Variants in SLC38A6 observed in about 807,000 individuals in gnomAD.
SLC38A6 encodes N system amino acid transporter NAT-1.
A neutral mutation model predicts 65.0 loss-of-function variants in SLC38A6; 73 were observed. That is an observed-to-expected ratio of 1.12 (90% confidence interval 0.93 to 1.37). The LOEUF (loss-of-function observed/expected upper bound fraction) is 1.37. SLC38A6 is among the 40% of genes most tolerant of loss of function. The pLI is 0.00. For missense variants in SLC38A6, 561 were observed against 531.1 expected (o/e 1.06, Z -0.55); for synonymous variants, 183 against 178.8 (o/e 1.02, Z -0.19).
intron 15 of SLC38A6, among the ~76,000 whole-genome samples, chr14:61,071,727 C>T (rs1296373082): frequency 6.6e-6 from 1 of 151,686 alleles, no homozygotes; most frequent in Non-Finnish European, 1.5e-5. Flanking sequence ...TTTATATTCA[C>T]AACAACTATG....
At chr14:61,011,075 G>T (rs2039526537) in intron 3 of SLC38A6, among the ~76,000 whole-genome samples, 2 of 151,718 alleles carry the variant, frequency 1.3e-5, no homozygotes, top group African/African-American at 4.8e-5. Context: ...GTGGTTTGTA[G>T]TTCTTGAAGA....
intron 3 of SLC38A6, among the ~76,000 whole-genome samples, chr14:60,996,203 A>C (rs1280438513): frequency 1.3e-5 from 2 of 152,218 alleles, no homozygotes; most frequent in East Asian, 3.8e-4. Flanking sequence ...AAAATTATTA[A>C]AGAAAACACA....
chr14:60,987,395 G>T lies in SLC38A6; in HGVS notation c.310+2592G>T, dbSNP rs1330762582. 6 of 152,820 alleles carry T rather than the reference G, an allele frequency of 3.9e-5. No individual in the cohort carries two copies. In the East Asian group the frequency reaches 1.2e-3, roughly 29 times the overall value. 9.5% of individuals were successfully genotyped at this position (152,820 alleles called of 1,614,324 possible). A position where few individuals can be genotyped will look rare whatever the true frequency, so the allele number is the denominator to read the frequency against. Reference sequence around the variant, plus strand: ...AATTTTCATCTTTATAAAAGTAAAGGATTTCTTCACATGAAATTCTACTTT... The same window carrying T: ...AATTTTCATCTTTATAAAAGTAAAGTATTTCTTCACATGAAATTCTACTTT... On this transcript the variant is annotated intron_variant, in intron 3 of 15. Coordinates refer to ENST00000267488, the MANE Select transcript of SLC38A6 (RefSeq NM_153811.3).
chr14:61,015,844 T>G, intron 3 of SLC38A6, 60 bp from the exon 4 acceptor site: 1 of 1,386,748 alleles, frequency 7.2e-7, no homozygotes. Flanking sequence ...GCTCTTCTCT[T>G]TAGGACCTGA....
chr14:61,015,183 G>C (rs772763702), intron 3 of SLC38A6, among the ~76,000 whole-genome samples: 1 of 152,246 alleles, frequency 6.6e-6, no homozygotes, highest in African/African-American at 2.4e-5. Context: ...CTCCGAGCCA[G>C]GTGCGGGATA....
chr14:61,017,250 G>A (rs988432427), intron 4 of SLC38A6, among the ~76,000 whole-genome samples: 6 of 152,156 alleles, frequency 3.9e-5, no homozygotes, highest in African/African-American at 1.4e-4. Flanking sequence ...ATGTTGGTCA[G>A]GCTGGTCTGG....
intron 7 of SLC38A6, among the ~76,000 whole-genome samples, 197 bp from the exon 8 acceptor site, chr14:61,037,428 T>A (rs2041471577): frequency 6.6e-6 from 1 of 152,156 alleles, no homozygotes; most frequent in Admixed American, 6.5e-5. Flanking sequence ...GTACCATTAG[T>A]GGTAAGCCAG....
chr14:60,984,915 A>G, intron 3 of SLC38A6, 112 bp downstream of exon 3: 1 of 1,004,676 alleles, frequency 1.0e-6, no homozygotes, highest in Non-Finnish European at 1.5e-6. Context: ...CATTTTTATT[A>G]GATAGGGTGA....
rs1594757974 is a variant in SLC38A6 at position 61,052,582 on chromosome 14, G to A, written c.*153G>A. On this transcript the variant is annotated 3_prime_UTR_variant, in exon 16 of 16. Coordinates refer to ENST00000267488, the MANE Select transcript of SLC38A6 (RefSeq NM_153811.3). ...TGGCAGTGGGTATGGGGAAGTAAGA[G>A]TGTGGCAGTTTTAATCAAAAAAAGA... 1 of 1,116,970 alleles carries A rather than the reference G, an allele frequency of 9.0e-7. No homozygotes were observed. The highest frequency in any genetic ancestry group is 3.2e-5 in the East Asian group (1 of 31,016). 69.2% of individuals were successfully genotyped at this position (1,116,970 alleles called of 1,614,324 possible).
intron 6 of SLC38A6, chr14:61,030,868 T>C (rs116466488): frequency 0.019 from 3,204 of 165,444 alleles, 116 homozygotes; most frequent in African/African-American, 0.073. Flanking sequence ...AGGTTGGGGA[T>C]GGGAGAAGGT....
chr14:61,023,263 A>G (rs1414063579), intron 5 of SLC38A6, among the ~76,000 whole-genome samples: 1 of 152,192 alleles, frequency 6.6e-6, no homozygotes, highest in African/African-American at 2.4e-5. Flanking sequence ...CATTTATGTA[A>G]AATGGGTTAA....
intron 7 of SLC38A6, among the ~76,000 whole-genome samples, 188 bp downstream of exon 7, chr14:61,037,329 C>G (rs920250007): frequency 3.3e-5 from 5 of 152,038 alleles, no homozygotes; most frequent in Non-Finnish European, 7.4e-5. Context: ...CCTAGTTAAC[C>G]TATTACTTGG....
At chr14:60,985,011 G>A (rs1391266138) in intron 3 of SLC38A6, among the ~76,000 whole-genome samples, 13 of 152,166 alleles carry the variant, frequency 8.5e-5, no homozygotes. Flanking sequence ...GAGGTAATTA[G>A]CATTTTTACC....
In SLC38A6 at chr14:61,049,606, G is replaced by A. The variant is rs564213797; in HGVS notation, c.926-906G>A. On this transcript the variant is annotated intron_variant, in intron 12 of 15. Transcript: ENST00000267488. ...TAGAACTCTCTGGCCACTTACATGT[G>A]TATATCACACTTTCTATCATAGCTA... is the stretch of plus-strand genomic sequence containing the variant. Among the ~76,000 whole-genome samples the A allele has an allele frequency of 9.2e-5, 14 of 152,248 alleles. No individual in the cohort carries two copies. In the South Asian group the frequency reaches 2.5e-3, roughly 27 times the overall value.
intron 3 of SLC38A6, among the ~76,000 whole-genome samples, chr14:61,011,493 T>C (rs4338714): frequency 0.85 from 129,028 of 151,642 alleles, 56,305 homozygotes; most frequent in Non-Finnish European, 0.96. Context: ...TTTTTGCCCA[T>C]TCAGTATGAT....
chr14:61,010,164 G>A (rs1237074121), intron 3 of SLC38A6, among the ~76,000 whole-genome samples: 1 of 152,084 alleles, frequency 6.6e-6, no homozygotes, highest in Non-Finnish European at 1.5e-5. Context: ...GTGTTTTTTG[G>A]CTGCATAAAT....
rs562673480 is a variant in SLC38A6, at chr14:61,070,374, AC to A, written c.1291-8435del. On this transcript the variant is annotated intron_variant, in intron 15 of 16. Transcript: ENST00000354886. ...CCTCAAGTATTATGCATATTGCAGCACATGGAAGAATTTTCTTCATTCTTTA... is the reference window on the plus strand; with the variant it reads ...CCTCAAGTATTATGCATATTGCAGCAATGGAAGAATTTTCTTCATTCTTTA... 4.2e-4 allele frequency among the ~76,000 whole-genome samples: 64 copies of A among 152,354 alleles called. 1 individual carries two copies. The highest frequency in any genetic ancestry group is 1.5e-3 in the African/African-American group (62 of 41,594).
intron 6 of SLC38A6, among the ~76,000 whole-genome samples, chr14:61,035,665 T>C (rs527407073): frequency 4.9e-4 from 74 of 152,334 alleles, no homozygotes; most frequent in Non-Finnish European, 8.4e-4. Context: ...TATTTTTGTT[T>C]ACTAATTTTG....
At chr14:61,074,980 G>A (rs1055963215) in intron 15 of SLC38A6, among the ~76,000 whole-genome samples, 1 of 152,150 alleles carries the variant, frequency 6.6e-6, no homozygotes, top group African/African-American at 2.4e-5. Flanking sequence ...GTCATTTTAT[G>A]TTATGTGAAT....
Sources: gnomAD v4.1 joint callset for allele counts (sites outside exome capture counted in the v4.1 genomes callset) on GRCh38, gnomAD v4.1.1 for gene constraint, MANE v1.5 for transcripts, NCBI Gene and HGNC (gene_info 2026-07-23, HGNC 2026-07-21) for gene names.